Variants in CADM1 observed in about 807,000 individuals in gnomAD.
The protein encoded by CADM1 is cell adhesion molecule 1.
In CADM1, 15 loss-of-function variants were observed where a neutral mutation model predicts 53.1. The ratio of observed to expected loss-of-function variants is 0.28; its 90% CI spans 0.19 to 0.44. The LOEUF (loss-of-function observed/expected upper bound fraction) is 0.44, where lower values mean the gene tolerates loss of function less well. Ranked by LOEUF, CADM1 falls within the 20% of genes least tolerant of loss-of-function variation. The pLI, the probability that CADM1 is intolerant of heterozygous loss-of-function variation, is 1.00. For synonymous variants in CADM1, 281 were observed against 243.0 expected, an observed-to-expected ratio of 1.16 and a Z score of -1.45; for missense variants, 434 against 611.3, an observed-to-expected ratio of 0.71 and a Z score of 3.06.
chr11:115,371,825 G>A (rs1946316399), intron 1 of CADM1, among the ~76,000 whole-genome samples: 1 of 134,956 alleles, frequency 7.4e-6, no homozygotes, highest in South Asian at 2.4e-4. Flanking sequence ...TTTTTAAGTA[G>A]ACCCAACTAC....
chr11:115,413,992 C>T (rs1947527725), intron 1 of CADM1, among the ~76,000 whole-genome samples: 1 of 151,930 alleles, frequency 6.6e-6, no homozygotes, highest in African/African-American at 2.4e-5. Context: ...AGCTGATTTC[C>T]ACCATCAGTC....
intron 1 of CADM1, among the ~76,000 whole-genome samples, chr11:115,503,529 G>A (rs1230894251): frequency 6.6e-6 from 1 of 152,060 alleles, no homozygotes. Flanking sequence ...GCGGGCTCCC[G>A]GCGCCTTCCC....
chr11:115,429,006 T>C (rs1013521068), intron 1 of CADM1, among the ~76,000 whole-genome samples: 3 of 152,092 alleles, frequency 2.0e-5, no homozygotes, highest in Non-Finnish European at 2.9e-5. Context: ...CAAGGGAGTA[T>C]CTAAGTCACT....
At chr11:115,474,295 A>G (rs1475041698) in intron 1 of CADM1, among the ~76,000 whole-genome samples, 3 of 148,552 alleles carry the variant, frequency 2.0e-5, no homozygotes, top group African/African-American at 7.4e-5. Flanking sequence ...CATCTCAAAA[A>G]AAAAAAAAAA....
intron 1 of CADM1, among the ~76,000 whole-genome samples, chr11:115,428,005 CAAAAAAAAA>C (rs66872817): frequency 3.7e-5 from 2 of 54,032 alleles, no homozygotes; most frequent in Non-Finnish European, 6.0e-5. Context: ...GACTCCATCT[CAAAAAAAAA>C]AAAAAAAAAA....
At chr11:115,225,316 G>GA (rs913527537) in intron 5 of CADM1, among the ~76,000 whole-genome samples, 3 of 151,030 alleles carry the variant, frequency 2.0e-5, no homozygotes, top group Non-Finnish European at 4.4e-5. Context: ...ATAAAAAAGG[G>GA]GGGGGGACTT....
intron 1 of CADM1, among the ~76,000 whole-genome samples, chr11:115,331,639 A>G (rs1945130619): frequency 6.6e-6 from 1 of 152,212 alleles, no homozygotes; most frequent in Non-Finnish European, 1.5e-5. Flanking sequence ...CTTAGAAGAA[A>G]AAGCATTCAC....
chr11:115,256,231 C>T (rs1302106420), intron 1 of CADM1, among the ~76,000 whole-genome samples: 2 of 152,220 alleles, frequency 1.3e-5, no homozygotes, highest in Non-Finnish European at 2.9e-5. Context: ...TTACAACAGG[C>T]CTTTTCACTC....
At chr11:115,294,403 C>A (rs1369258712) in intron 1 of CADM1, among the ~76,000 whole-genome samples, 1 of 152,180 alleles carries the variant, frequency 6.6e-6, no homozygotes, top group Non-Finnish European at 1.5e-5. Context: ...TCTCTTGAAA[C>A]AATTTCTTCT....
At chr11:115,442,718 A>C (rs1431808190) in intron 1 of CADM1, among the ~76,000 whole-genome samples, 1 of 152,208 alleles carries the variant, frequency 6.6e-6, no homozygotes, top group African/African-American at 2.4e-5. Context: ...TTCCCAGTAA[A>C]GAGCTTGACT....
At chr11:115,487,016 G>T (rs1433059808) in intron 1 of CADM1, among the ~76,000 whole-genome samples, 2 of 152,176 alleles carry the variant, frequency 1.3e-5, no homozygotes, top group African/African-American at 2.4e-5. Context: ...AGAGAGGAAA[G>T]GTCAGGCAAA....
rs1380450179 is a variant in CADM1, at chr11:115,174,831, T to C, written c.*1643A>G. The stretch of plus-strand genomic sequence containing the variant: ...GGAGTCTGGAGTCTTACCAAACATA[T>C]GGTAAGAGTTTAGTTTCTGTCCTTC... On this transcript the variant is annotated 3_prime_UTR_variant, in exon 12 of 12. Coordinates refer to ENST00000331581, the MANE Select transcript of CADM1 (RefSeq NM_001301043.2). The C allele has an allele frequency of 3.0e-6, 3 of 984,932 alleles. No homozygotes were observed. The highest frequency in any genetic ancestry group is 1.7e-5 in the African/African-American group (1 of 57,324). The allele number at this position is 984,932 out of a possible 1,614,324, so 61.0% of individuals were successfully genotyped here. A position where few individuals can be genotyped will look rare whatever the true frequency, so the allele number is the denominator to read the frequency against.
At chr11:115,387,949 A>C (rs1483764108) in intron 1 of CADM1, among the ~76,000 whole-genome samples, 1 of 152,094 alleles carries the variant, frequency 6.6e-6, no homozygotes, top group African/African-American at 2.4e-5. Flanking sequence ...ACAAAAACAG[A>C]AGTCATCAGA....
chr11:115,190,856 C>T (rs891167802), intron 10 of CADM1, 32 bp downstream of exon 10: 98 of 1,575,110 alleles, frequency 6.2e-5, no homozygotes, highest in Non-Finnish European at 7.7e-5. Flanking sequence ...AGGTTGGACA[C>T]TGCAGTGCCT....
At chr11:115,379,646 A>C (rs929164741) in intron 1 of CADM1, among the ~76,000 whole-genome samples, 3 of 152,208 alleles carry the variant, frequency 2.0e-5, no homozygotes, top group Non-Finnish European at 4.4e-5. Flanking sequence ...TGATATAAGC[A>C]AAACCCTGTG....
chr11:115,315,284 A>G (rs917923519), intron 1 of CADM1, among the ~76,000 whole-genome samples: 1 of 152,206 alleles, frequency 6.6e-6, no homozygotes, highest in Non-Finnish European at 1.5e-5. Context: ...TTCAATTTTT[A>G]TAATTAGTGT....
chr11:115,314,716 C>T (rs974190122), intron 1 of CADM1, among the ~76,000 whole-genome samples: 5 of 152,158 alleles, frequency 3.3e-5, no homozygotes, highest in African/African-American at 1.2e-4. Flanking sequence ...GCTTGTATGA[C>T]AGACATAGCA....
chr11:115,489,421 T>C (rs1361789984), intron 1 of CADM1, among the ~76,000 whole-genome samples: 1 of 152,184 alleles, frequency 6.6e-6, no homozygotes, highest in Non-Finnish European at 1.5e-5. Context: ...CCAGTATTTA[T>C]AAGAAATGAA....
intron 1 of CADM1, among the ~76,000 whole-genome samples, chr11:115,438,089 G>A (rs144018501): frequency 2.0e-4 from 31 of 152,188 alleles, no homozygotes; most frequent in African/African-American, 7.5e-4. Flanking sequence ...TTTGACATCT[G>A]GCCCATAACA....
Sources: gnomAD v4.1 joint callset for allele counts (sites outside exome capture counted in the v4.1 genomes callset) on GRCh38, gnomAD v4.1.1 for gene constraint, MANE v1.5 for transcripts, NCBI Gene and HGNC (gene_info 2026-07-23, HGNC 2026-07-21) for gene names.